The following TENM4 variants were observed in gnomAD, a reference collection of about 807,000 sequenced individuals.
The protein encoded by TENM4 is teneurin transmembrane protein 4.
In TENM4, 82 loss-of-function variants were observed where a neutral mutation model predicts 243.3. The ratio of observed to expected loss-of-function variants is 0.34; its 90% CI spans 0.28 to 0.40. The LOEUF is 0.40. Among genes scored for constraint, TENM4 ranks in the 10% least tolerant of loss-of-function variants. The pLI is 1.00. For missense variants in TENM4, 3,138 were observed against 3,673.3 expected, an observed-to-expected ratio of 0.85 and a Z score of 3.77; for synonymous variants, 1,412 against 1,456.3, an observed-to-expected ratio of 0.97 and a Z score of 0.69.
intron 12 of TENM4, among the ~76,000 whole-genome samples, chr11:78,851,313 A>G (rs1858532938): frequency 6.6e-6 from 1 of 152,184 alleles, no homozygotes. Flanking sequence ...GTTAAGAGGA[A>G]GTGAAGACAG....
At chr11:79,222,302 G>T (rs964919619) in intron 2 of TENM4, among the ~76,000 whole-genome samples, 33 of 152,170 alleles carry the variant, frequency 2.2e-4, no homozygotes, top group African/African-American at 7.5e-4. Flanking sequence ...ATGGCTTCCA[G>T]CTCCATCCGT....
intron 6 of TENM4, among the ~76,000 whole-genome samples, chr11:78,936,452 T>C (rs1856786079): frequency 6.6e-6 from 1 of 152,244 alleles, no homozygotes; most frequent in South Asian, 2.1e-4. Flanking sequence ...ATTAGACTAA[T>C]GGCAGCTGTG....
chr11:79,015,985 GT>G lies in TENM4; in HGVS notation c.493+48752del, dbSNP rs1431573566. 9.9e-5 allele frequency among the ~76,000 whole-genome samples: 15 copies of G among 152,262 alleles called. No individual in the cohort carries two copies. The East Asian group carries it at 2.9e-3, about 29-fold the overall frequency. On this transcript the variant is annotated intron_variant, in intron 6 of 33. Transcript: ENST00000278550. ...TTCCAGGAAGGGGAAGAGCATATGTGTAAAAGCCAAAGGCAAGGGCGAGCCT... is the reference window on the plus strand; with the variant it reads ...TTCCAGGAAGGGGAAGAGCATATGTGAAAAGCCAAAGGCAAGGGCGAGCCT...
rs567601027 is a variant in TENM4, at chr11:78,805,358, T to C, written c.2113A>G (p.Thr705Ala). Residue 705 changes from threonine to alanine, a missense_variant, in exon 15 of 34, where the codon ACC (threonine) becomes GCC (alanine). By Grantham distance (58) the Thr-to-Ala change is moderately conservative. Around this residue, in one of 2 missense-constraint regions of TENM4, gnomAD observed 2,467 missense variants for 3,059.1 expected, o/e 0.81. Coordinates refer to ENST00000278550, the MANE Select transcript of TENM4 (RefSeq NM_001098816.3). ...CAAAGCCCGGTGTCCGGGAGGAAGG[T>C]TCCGTGGCCTGAACACTGGTCTAAG... ...TCLDQCSGHG[T>A]FLPDTGLCSC... 1 of 1,332,138 alleles carries C rather than the reference T, an allele frequency of 7.5e-7. No homozygotes were observed. The highest frequency in any genetic ancestry group is 3.2e-5 in the East Asian group (1 of 31,592). The allele number at this position is 1,332,138 out of a possible 1,614,324, so 82.5% of individuals were successfully genotyped here.
At chr11:79,253,327 T>C (rs1337960876) in intron 2 of TENM4, among the ~76,000 whole-genome samples, 1 of 152,200 alleles carries the variant, frequency 6.6e-6, no homozygotes, top group African/African-American at 2.4e-5. Flanking sequence ...ATTTTCCTTT[T>C]ATGAGGTGTC....
chr11:78,892,258 G>C (rs1004028880), intron 7 of TENM4, among the ~76,000 whole-genome samples: 2 of 152,242 alleles, frequency 1.3e-5, no homozygotes, highest in Admixed American at 6.5e-5. Context: ...GCTGGAGCCT[G>C]TCTCCTGATC....
At chr11:78,687,283 G>A (rs1373873273) in intron 29 of TENM4, among the ~76,000 whole-genome samples, 5 of 152,206 alleles carry the variant, frequency 3.3e-5, no homozygotes. Flanking sequence ...GGTCACGGTG[G>A]GTGATGTGGT....
In TENM4 at chr11:78,673,665, T is replaced by A. The variant is rs191021323; in HGVS notation, c.5497-1336A>T. Among the ~76,000 whole-genome samples, 118 of 152,334 alleles carry A rather than the reference T, an allele frequency of 7.7e-4. 1 individual carries two copies. Among genetic ancestry groups the A allele is most frequent in the Admixed American group, 6.7e-3 (102 of 15,310 alleles). ...GAGTTGTTGTGAAGGTTGAAGAAAC[T>A]TAGTAAATCAGTGGAGTGCTAGGCA... On this transcript the variant is annotated intron_variant, in intron 30 of 33. Coordinates refer to ENST00000278550, the MANE Select transcript of TENM4 (RefSeq NM_001098816.3).
At chr11:79,012,083 A>G (rs2136756783) in intron 6 of TENM4, among the ~76,000 whole-genome samples, 1 of 152,300 alleles carries the variant, frequency 6.6e-6, no homozygotes, top group African/African-American at 2.4e-5. Flanking sequence ...ATCAAGGAGG[A>G]ACAAATGCCC....
chr11:79,078,251 A>G lies in TENM4; in HGVS notation c.-65-8242T>C, dbSNP rs770974875. On this transcript the variant is annotated intron_variant, in intron 4 of 33. Coordinates refer to ENST00000278550, the MANE Select transcript of TENM4 (RefSeq NM_001098816.3). ...TAAAGTTTTATAAGTTTTCCTTAAC[A>G]TAAGCACAGGGTGATATTTTTAGTT... is the stretch of plus-strand genomic sequence containing the variant. Among the ~76,000 whole-genome samples the G allele has an allele frequency of 5.6e-4, 85 of 152,348 alleles. 1 individual carries two copies. In the Middle Eastern group the frequency reaches 0.017, roughly 30 times the overall value.
At position 78,980,641 on chromosome 11, in the gene TENM4, C is replaced by A. The variant is rs549355628; in HGVS notation, c.494-77118G>T. 2.0e-4 allele frequency among the ~76,000 whole-genome samples: 30 copies of A among 152,324 alleles called. No individual in the cohort carries two copies. The South Asian group carries it at 6.0e-3, about 30-fold the overall frequency. Reference sequence around the variant, plus strand: ...TAGCAGGGTGGTCAGAACATGAACTCATGTCTGAGTCTGAATCCTCGCTCC... The same window carrying A: ...TAGCAGGGTGGTCAGAACATGAACTAATGTCTGAGTCTGAATCCTCGCTCC... On this transcript the variant is annotated intron_variant, in intron 6 of 33. Transcript: ENST00000278550.
chr11:79,375,036 G>C (rs1281167223), intron 1 of TENM4, among the ~76,000 whole-genome samples: 1 of 152,150 alleles, frequency 6.6e-6, no homozygotes, highest in African/African-American at 2.4e-5. Context: ...ATGAGAGAGA[G>C]GGATTTCAAA....
intron 6 of TENM4, among the ~76,000 whole-genome samples, chr11:79,039,838 T>C (rs906179902): frequency 2.6e-5 from 4 of 152,134 alleles, no homozygotes; most frequent in Admixed American, 1.3e-4. Flanking sequence ...GTACCTCCTA[T>C]AAACTGTGAA....
chr11:79,373,483 T>C (rs1487529572), intron 1 of TENM4, among the ~76,000 whole-genome samples: 1 of 151,982 alleles, frequency 6.6e-6, no homozygotes, highest in Non-Finnish European at 1.5e-5. Context: ...GCTGGTTGGA[T>C]AAATGGGTGG....
chr11:78,981,154 T>C (rs529789373), intron 6 of TENM4, among the ~76,000 whole-genome samples: 2 of 152,230 alleles, frequency 1.3e-5, no homozygotes, highest in South Asian at 4.2e-4. Flanking sequence ...GACAGGTGTG[T>C]GTATGCGAGG....
At chr11:78,882,893 G>C (rs1051072566) in intron 9 of TENM4, among the ~76,000 whole-genome samples, 2 of 152,078 alleles carry the variant, frequency 1.3e-5, no homozygotes, top group Admixed American at 1.3e-4. Context: ...TCCACAATCA[G>C]TCCTTCTTGT....
rs866363196 is a variant in TENM4 at position 79,139,215 on chromosome 11, T to C, written c.-66+9495A>G. Among the ~76,000 whole-genome samples the C allele has an allele frequency of 3.8e-3, 57 of 15,118 alleles. 1 individual carries two copies. The highest frequency in any genetic ancestry group is 0.035 in the African/African-American group (55 of 1,554). 9.9% of individuals were successfully genotyped at this position (15,118 alleles called of 152,430 possible). On this transcript the variant is annotated intron_variant, in intron 4 of 33. Transcript: ENST00000278550. ...ATTATATTTCTATAAATATATAAAATATATATTATATTTCTATAAATATAT... is the reference window on the plus strand; with the variant it reads ...ATTATATTTCTATAAATATATAAAACATATATTATATTTCTATAAATATAT...
intron 1 of TENM4, among the ~76,000 whole-genome samples, chr11:79,388,937 T>G (rs1858172750): frequency 6.6e-6 from 1 of 151,922 alleles, no homozygotes; most frequent in South Asian, 2.1e-4. Context: ...AACCCAGAAA[T>G]AAGAAAGTAC....
At chr11:78,695,770 T>C (rs1435964381) in intron 28 of TENM4, among the ~76,000 whole-genome samples, 1 of 123,582 alleles carries the variant, frequency 8.1e-6, no homozygotes, top group African/African-American at 4.6e-5. Flanking sequence ...TCTTATAAAA[T>C]GCTTTTTTTT....
Sources: allele counts gnomAD v4.1 joint callset (sites outside exome capture counted in the v4.1 genomes callset), GRCh38; gene constraint gnomAD v4.1.1; regional missense constraint gnomAD v4.1.1; transcripts MANE v1.5; gene names NCBI Gene and HGNC (gene_info 2026-07-23, HGNC 2026-07-21).